Variants in ZNF469 observed in about 807,000 individuals in gnomAD.
ZNF469 encodes the protein zinc finger protein 469.
In ZNF469, 1 loss-of-function variant was observed where a neutral mutation model predicts 1.0. That is an observed-to-expected ratio of 1.00 (90% CI 0.35 to 4.73). ZNF469 has a LOEUF of 4.73. ZNF469 is among the 30% of genes most tolerant of loss of function. ZNF469 has a pLI of 0.16. For missense variants in ZNF469, 6,100 were observed against 5,356.3 expected, an observed-to-expected ratio of 1.14 and a Z score of -4.33; for synonymous variants, 2,703 against 2,363.4, an observed-to-expected ratio of 1.14 and a Z score of -4.17.
chr16:88,275,696 T>C, the ZNF469 span, among the ~76,000 whole-genome samples: 1 of 152,086 alleles, frequency 6.6e-6, no homozygotes, highest in Non-Finnish European at 1.5e-5. Context: ...TCTAAACCGG[T>C]GTTTGTCACG....
chr16:88,364,084 G>C, the ZNF469 span, among the ~76,000 whole-genome samples: 1 of 152,158 alleles, frequency 6.6e-6, no homozygotes. Flanking sequence ...TATTTTTTGT[G>C]TTACCTTCTG....
chr16:88,380,483 GTGCACACACAC>G (rs2092518923), upstream of ZNF469, among the ~76,000 whole-genome samples: 41 of 96,906 alleles, frequency 4.2e-4, no homozygotes, highest in Non-Finnish European at 5.3e-4. Context: ...TCACACATAC[GTGCACACACAC>G]ATGCACTCAC....
At chr16:88,407,372 G>A (rs1332621105) in intron 1 of ZNF469, among the ~76,000 whole-genome samples, 2 of 152,254 alleles carry the variant, frequency 1.3e-5, no homozygotes, top group Non-Finnish European at 2.9e-5. Flanking sequence ...AGTGTTACGC[G>A]AAGGAAGGAG....
At chr16:88,426,596 TG>T (rs970211625) in intron 2 of ZNF469, among the ~76,000 whole-genome samples, 5 of 152,132 alleles carry the variant, frequency 3.3e-5, no homozygotes, top group Admixed American at 6.5e-5. Flanking sequence ...GTCTGGAGGC[TG>T]GGGGCTTCCT....
the ZNF469 span, among the ~76,000 whole-genome samples, chr16:88,241,229 C>A: frequency 6.6e-6 from 1 of 151,948 alleles, no homozygotes; most frequent in East Asian, 1.9e-4. This position sits in a 1 kb window ranked among gnomAD's most constrained non-coding sequence, Gnocchi z 4.8. Flanking sequence ...TGTCATGGCA[C>A]GCACCTGTAA....
the ZNF469 span, among the ~76,000 whole-genome samples, chr16:88,360,916 G>A: frequency 1.1e-4 from 16 of 149,122 alleles, no homozygotes; most frequent in African/African-American, 3.4e-4. Flanking sequence ...TCATGGACAA[G>A]GGGTGAGGAG....
the ZNF469 span, among the ~76,000 whole-genome samples, chr16:88,104,942 G>A: frequency 2.6e-5 from 4 of 152,212 alleles, no homozygotes; most frequent in African/African-American, 7.2e-5. Context: ...GCCAGGTGCA[G>A]CAGTGGCTCA....
intron 1 of ZNF469, among the ~76,000 whole-genome samples, chr16:88,412,221 G>T (rs529164773): frequency 6.6e-6 from 1 of 152,170 alleles, no homozygotes; most frequent in Non-Finnish European, 1.5e-5. Context: ...TCCCAGGCCC[G>T]AAGTAACACG....
At chr16:88,395,237 A>AGATGGATGGATG (rs750119902) in intron 1 of ZNF469, among the ~76,000 whole-genome samples, 13 of 35,944 alleles carry the variant, frequency 3.6e-4, no homozygotes, top group South Asian at 2.1e-3. Context: ...GTGGATGGGT[A>AGATGGATGGATG]GATGGATGGA....
intron 1 of ZNF469, among the ~76,000 whole-genome samples, chr16:88,389,806 G>A (rs1431722940): frequency 1.3e-5 from 2 of 152,164 alleles, no homozygotes; most frequent in Non-Finnish European, 2.9e-5. Flanking sequence ...GTCTTTGAAC[G>A]ACAGCGCAGT....
the ZNF469 span, among the ~76,000 whole-genome samples, chr16:88,148,083 G>A: frequency 8.0e-4 from 121 of 152,020 alleles, no homozygotes; most frequent in Admixed American, 1.3e-3. Flanking sequence ...GTGGGGCGGC[G>A]ACTGCAGCTT....
the ZNF469 span, among the ~76,000 whole-genome samples, chr16:88,143,886 C>T: frequency 1.3e-5 from 2 of 152,194 alleles, no homozygotes; most frequent in African/African-American, 2.4e-5. Context: ...AGACCAAGGA[C>T]CCGCCGCTAT....
chr16:88,428,473 C>T lies in ZNF469; in HGVS notation c.1003C>T (p.Leu335=), dbSNP rs1185337835. ...GCCCACCCAGCCTGCGCCCTCACCC[C>T]TGCCCTGCTACCAGGGCCAGCCAGG... The part of the protein sequence containing the change: ...PLPTQPAPSP[L]PCYQGQPGGL... Residue 335 remains leucine, a synonymous_variant, in exon 3 of 3, where the codon CTG becomes TTG. Coordinates refer to ENST00000565624, the MANE Select transcript of ZNF469 (RefSeq NM_001367624.2). 6.5e-7 allele frequency: 1 copy of T among 1,549,246 alleles called. No individual in the cohort carries two copies. Among genetic ancestry groups the T allele is most frequent in the South Asian group, 1.2e-5 (1 of 84,050 alleles).
chr16:88,250,871 T>C, the ZNF469 span, among the ~76,000 whole-genome samples: 1 of 152,130 alleles, frequency 6.6e-6, no homozygotes, highest in Non-Finnish European at 1.5e-5. Context: ...TTCGGGGTTT[T>C]TCCGTTTTGG....
At chr16:88,156,229 A>G in the ZNF469 span, among the ~76,000 whole-genome samples, 1 of 152,172 alleles carries the variant, frequency 6.6e-6, no homozygotes, top group Non-Finnish European at 1.5e-5. Flanking sequence ...TTTTGCACAG[A>G]AGTTTTCATC....
At chr16:88,187,866 T>C in the ZNF469 span, among the ~76,000 whole-genome samples, 2 of 152,128 alleles carry the variant, frequency 1.3e-5, no homozygotes, top group South Asian at 2.1e-4. Context: ...TGAAATCACA[T>C]TGACTGCCCT....
the ZNF469 span, among the ~76,000 whole-genome samples, chr16:88,160,135 G>A: frequency 6.6e-6 from 1 of 152,204 alleles, no homozygotes; most frequent in Non-Finnish European, 1.5e-5. Context: ...GAAGGGTGCT[G>A]ACCCCTGTGC....
At chr16:88,359,816 C>T in the ZNF469 span, among the ~76,000 whole-genome samples, 2 of 152,190 alleles carry the variant, frequency 1.3e-5, no homozygotes, top group Admixed American at 6.5e-5. Flanking sequence ...CAGTGATGAT[C>T]CATATACCTG....
the ZNF469 span, among the ~76,000 whole-genome samples, chr16:88,185,676 C>A: frequency 3.5e-4 from 53 of 151,270 alleles, no homozygotes; most frequent in African/African-American, 1.2e-3. Flanking sequence ...CTCATGTGCC[C>A]AGACCCACAG....
Sources: allele counts gnomAD v4.1 joint callset (sites outside exome capture counted in the v4.1 genomes callset), GRCh38; gene constraint gnomAD v4.1.1; non-coding constraint Gnocchi (gnomAD v3.1); transcripts MANE v1.5; gene names NCBI Gene and HGNC (gene_info 2026-07-23, HGNC 2026-07-21).